The following TMEM132C variants were observed in gnomAD, a reference collection of about 807,000 sequenced individuals.
The protein encoded by TMEM132C is protein phosphatase 1, regulatory subunit 152.
In TMEM132C, 29 loss-of-function variants were observed where a neutral mutation model predicts 61.4. The observed-to-expected ratio is 0.47, with a 90% CI of 0.35 to 0.64. The LOEUF (loss-of-function observed/expected upper bound fraction) is 0.64. TMEM132C is among the 30% of genes least tolerant of loss of function. The pLI is 0.00. For synonymous variants in TMEM132C, 656 were observed against 633.1 expected, an observed-to-expected ratio of 1.04 and a Z score of -0.54; for missense variants, 1,408 against 1,476.9, an observed-to-expected ratio of 0.95 and a Z score of 0.76.
chr12:128,643,849 C>T (rs1310314933), intron 4 of TMEM132C, among the ~76,000 whole-genome samples: 1 of 151,850 alleles, frequency 6.6e-6, no homozygotes, highest in African/African-American at 2.4e-5. Flanking sequence ...TTCAAATTTT[C>T]CAACATAAAG....
At chr12:128,701,341 T>C (rs1954802273) in intron 8 of TMEM132C, among the ~76,000 whole-genome samples, 1 of 151,552 alleles carries the variant, frequency 6.6e-6, no homozygotes, top group South Asian at 2.1e-4. Flanking sequence ...CTCCTAAAAC[T>C]TCCTACACAG....
At chr12:128,620,022 A>G (rs1046337351) in intron 4 of TMEM132C, among the ~76,000 whole-genome samples, 1 of 152,004 alleles carries the variant, frequency 6.6e-6, no homozygotes, top group African/African-American at 2.4e-5. Context: ...CTTGAGTCCA[A>G]GAGTTCAAGA....
At chr12:128,583,357 T>C (rs1875416825) in intron 3 of TMEM132C, among the ~76,000 whole-genome samples, 1 of 150,158 alleles carries the variant, frequency 6.7e-6, no homozygotes, top group Non-Finnish European at 1.5e-5. Flanking sequence ...ATTTCAGTGA[T>C]GAGATTCTAA....
At chr12:128,594,431 GC>G (rs56890547) in intron 3 of TMEM132C, among the ~76,000 whole-genome samples, 1 of 149,416 alleles carries the variant, frequency 6.7e-6, no homozygotes, top group Non-Finnish European at 1.5e-5. Context: ...TGGCTGCTGT[GC>G]CCCCCATTTT....
At chr12:128,277,232 G>A (rs1870724589) in intron 1 of TMEM132C, among the ~76,000 whole-genome samples, 1 of 152,144 alleles carries the variant, frequency 6.6e-6, no homozygotes, top group African/African-American at 2.4e-5. Flanking sequence ...AAAATAATTT[G>A]TTCAGTAACT....
chr12:128,656,862 G>C (rs1325065166), intron 4 of TMEM132C, among the ~76,000 whole-genome samples: 1 of 152,166 alleles, frequency 6.6e-6, no homozygotes, highest in Non-Finnish European at 1.5e-5. Context: ...TTGAGAGGCA[G>C]CCTCTTTTGC....
chr12:128,509,208 G>A (rs1444858943), intron 2 of TMEM132C, among the ~76,000 whole-genome samples: 1 of 152,154 alleles, frequency 6.6e-6, no homozygotes, highest in East Asian at 1.9e-4. Context: ...GGATGTACCT[G>A]GGAAAAGGAA....
intron 2 of TMEM132C, among the ~76,000 whole-genome samples, chr12:128,449,005 C>T (rs973284334): frequency 7.9e-5 from 12 of 151,784 alleles, no homozygotes; most frequent in Non-Finnish European, 1.8e-4. Context: ...GGCGCGGTGG[C>T]GGGCACCTGT....
Position 128,489,099 on chromosome 12 carries a change from G to A in TMEM132C, c.975-54858G>A, listed in dbSNP as rs550525801. Among the ~76,000 whole-genome samples, 4 of 152,190 alleles carry A rather than the reference G, an allele frequency of 2.6e-5. No homozygotes were observed. In the East Asian group the frequency reaches 5.8e-4, roughly 22 times the overall value. On this transcript the variant is annotated intron_variant, in intron 2 of 8. Transcript: ENST00000435159. The stretch of plus-strand genomic sequence containing the variant: ...GTGCAGACTAGCAGGACTGGTCCCC[G>A]GGCAGTGGGCGGCAGGTGCCTCTGT...
chr12:128,329,827 A>T (rs1357841950), intron 1 of TMEM132C, among the ~76,000 whole-genome samples: 3 of 152,184 alleles, frequency 2.0e-5, no homozygotes, highest in African/African-American at 4.8e-5. Context: ...ATGTTCCTCA[A>T]ATTTATAAAG....
intron 5 of TMEM132C, among the ~76,000 whole-genome samples, chr12:128,677,460 G>A (rs919217003): frequency 6.6e-6 from 1 of 152,142 alleles, no homozygotes; most frequent in African/African-American, 2.4e-5. Context: ...GACACTGCTG[G>A]AGAGGGGCTT....
At chr12:128,616,549 T>C (rs182020300) in intron 4 of TMEM132C, among the ~76,000 whole-genome samples, 35 of 152,352 alleles carry the variant, frequency 2.3e-4, no homozygotes, top group Admixed American at 1.9e-3. Context: ...GTCACAATCA[T>C]TGCTGGAGGT....
At position 128,324,302 on chromosome 12, in the gene TMEM132C, A is replaced by G. The variant is rs149078371; in HGVS notation, c.85+56815A>G. ...AAACCAACATAACATGTAAAGTATGACATGCAAACCACTAGTAGTCTCCAC... is the reference window on the plus strand; with the variant it reads ...AAACCAACATAACATGTAAAGTATGGCATGCAAACCACTAGTAGTCTCCAC... On this transcript the variant is annotated intron_variant, in intron 1 of 8. Transcript: ENST00000435159. Among the ~76,000 whole-genome samples, 1,426 of 152,322 alleles carry G rather than the reference A, an allele frequency of 9.4e-3. 27 individuals are homozygous for G. The highest frequency in any genetic ancestry group is 0.032 in the African/African-American group (1,345 of 41,546).
chr12:128,292,439 A>C (rs1394664303), intron 1 of TMEM132C, among the ~76,000 whole-genome samples: 1 of 152,102 alleles, frequency 6.6e-6, no homozygotes, highest in Non-Finnish European at 1.5e-5. Flanking sequence ...GGTTTTTTCT[A>C]ACTTGTTCCA....
Position 128,696,130 on chromosome 12 carries a change from C to G in TMEM132C, c.1929+27C>G, listed in dbSNP as rs1384539687. 6 of 1,544,996 alleles carry G rather than the reference C, an allele frequency of 3.9e-6. No homozygotes were observed. In the East Asian group the frequency reaches 1.2e-4, roughly 31 times the overall value. ...TAGGAAGCTGGGAGTCTCTGTGTCCCCAGCACTGGGCATGTGTGCAGTGTT... is the reference window on the plus strand; with the variant it reads ...TAGGAAGCTGGGAGTCTCTGTGTCCGCAGCACTGGGCATGTGTGCAGTGTT... On this transcript the variant is annotated intron_variant, in intron 7 of 8. Coordinates refer to ENST00000435159, the MANE Select transcript of TMEM132C (RefSeq NM_001136103.3).
intron 2 of TMEM132C, among the ~76,000 whole-genome samples, chr12:128,530,482 TGC>T (rs1873251139): frequency 6.6e-6 from 1 of 152,048 alleles, no homozygotes; most frequent in Admixed American, 6.5e-5. Flanking sequence ...CTCACTCTGT[TGC>T]CCAGGCTGGA....
Position 128,697,207 on chromosome 12 carries a change from T to C in TMEM132C, c.1930-17T>C, listed in dbSNP as rs774565236. 3.4e-6 allele frequency: 5 copies of C among 1,488,344 alleles called. No homozygotes were observed. In the African/African-American group the frequency reaches 4.2e-5, roughly 12 times the overall value. 92.2% of individuals were successfully genotyped at this position (1,488,344 alleles called of 1,614,324 possible). ...ACAGGTGTGATGGATTTTCCTTGTG[T>C]CCTGCCAATCCCACAGGTGTTGTCT... On this transcript the variant is annotated splice_polypyrimidine_tract_variant and intron_variant, in intron 7 of 8. Transcript: ENST00000435159.
intron 4 of TMEM132C, among the ~76,000 whole-genome samples, chr12:128,648,221 T>C (rs1258508136): frequency 6.6e-6 from 1 of 151,928 alleles, no homozygotes; most frequent in Non-Finnish European, 1.5e-5. Context: ...TGAGTGTGTT[T>C]ACTAGATCCC....
At chr12:128,294,991 A>ATAGATAGATAGATAGATAGG (rs370700296) in intron 1 of TMEM132C, among the ~76,000 whole-genome samples, 91 of 149,576 alleles carry the variant, frequency 6.1e-4, no homozygotes, top group East Asian at 4.9e-3. Flanking sequence ...TAAATAATAG[A>ATAGATAGATAGATAGATAGG]TAGATAGATA....
Sources: allele counts gnomAD v4.1 joint callset (sites outside exome capture counted in the v4.1 genomes callset), GRCh38; gene constraint gnomAD v4.1.1; transcripts MANE v1.5; gene names NCBI Gene and HGNC (gene_info 2026-07-23, HGNC 2026-07-21).